C12orf56: variants seen among roughly 807,000 people sequenced by gnomAD.
C12orf56 encodes chromosome 12 open reading frame 56, also known as uncharacterized protein C12orf56.
In C12orf56, 71 loss-of-function variants were observed where a neutral mutation model predicts 69.9. The observed-to-expected ratio is 1.02, with a 90% CI of 0.84 to 1.24. C12orf56 has a LOEUF of 1.24. Among genes scored for constraint, C12orf56 ranks in the 50% most tolerant of loss-of-function variants. C12orf56 has a pLI of 0.00. For missense variants in C12orf56, 732 were observed against 738.5 expected (o/e 0.99, Z 0.10); for synonymous variants, 276 against 274.1 (o/e 1.01, Z -0.07).
At chr12:64,373,635 A>G (rs899706919) in intron 1 of C12orf56, among the ~76,000 whole-genome samples, 5 of 152,162 alleles carry the variant, frequency 3.3e-5, no homozygotes, top group African/African-American at 1.2e-4. Flanking sequence ...AGCAAACTCT[A>G]ACTCTCCAGT....
At chr12:64,361,440 C>T (rs2039399297) in intron 1 of C12orf56, among the ~76,000 whole-genome samples, 2 of 152,128 alleles carry the variant, frequency 1.3e-5, no homozygotes, top group African/African-American at 2.4e-5. Context: ...AGATACAGGT[C>T]ATAAAGACCT....
Position 64,390,543 on chromosome 12 carries a change from C to T in C12orf56, c.23G>A (p.Gly8Asp), listed in dbSNP as rs761258564. Residue 8 changes from glycine (G) to aspartate (D), a missense_variant, in exon 1 of 13, where the codon GGC (glycine) becomes GAC (aspartate). Transcript: ENST00000543942. MASPLPS[G>D]FPARRNSRLD... ...GCGGCTGTTCCTGCGCGCGGGGAAG[C>T]CGGACGGCAAGGGGCTGGCCATGCC... is the stretch of plus-strand genomic sequence containing the variant. 4.4e-5 allele frequency: 70 copies of T among 1,594,468 alleles called. No individual in the cohort carries two copies. Among genetic ancestry groups the T allele is most frequent in the Non-Finnish European group, 5.9e-5 (69 of 1,177,174 alleles).
intron 1 of C12orf56, among the ~76,000 whole-genome samples, chr12:64,360,288 G>A (rs1040022621): frequency 6.6e-6 from 1 of 151,586 alleles, no homozygotes; most frequent in African/African-American, 2.4e-5. Flanking sequence ...AGCTGGGCAT[G>A]GTGGCAGGTG....
intron 1 of C12orf56, among the ~76,000 whole-genome samples, chr12:64,362,493 A>C (rs572285556): frequency 6.6e-6 from 1 of 152,096 alleles, no homozygotes; most frequent in Non-Finnish European, 1.5e-5. Flanking sequence ...GGAGTTCAAG[A>C]CCAGCCTGGC....
chr12:64,268,488 A>C (rs1027734204), intron 12 of C12orf56, among the ~76,000 whole-genome samples: 1 of 152,176 alleles, frequency 6.6e-6, no homozygotes, highest in African/African-American at 2.4e-5. Flanking sequence ...TTTATGTAGA[A>C]TGTCCAGAAT....
chr12:64,306,016 T>TTAA (rs1485244069), intron 5 of C12orf56, among the ~76,000 whole-genome samples: 3 of 152,232 alleles, frequency 2.0e-5, no homozygotes, highest in Non-Finnish European at 4.4e-5. Flanking sequence ...TAAACTGTTT[T>TTAA]TAATCCTTTG....
intron 1 of C12orf56, among the ~76,000 whole-genome samples, chr12:64,354,301 A>G (rs1485916814): frequency 6.6e-6 from 1 of 152,206 alleles, no homozygotes; most frequent in East Asian, 1.9e-4. Flanking sequence ...TGAGACAGGC[A>G]TAATGGTGCC....
At chr12:64,341,704 T>A (rs1470916352) in intron 2 of C12orf56, among the ~76,000 whole-genome samples, 3 of 152,172 alleles carry the variant, frequency 2.0e-5, no homozygotes, top group African/African-American at 4.8e-5. Flanking sequence ...AAGTGTCTAT[T>A]CTGATGAGGA....
Position 64,311,633 on chromosome 12 carries a change from G to C in C12orf56, c.968+1046C>G, listed in dbSNP as rs567959228. Among the ~76,000 whole-genome samples, 3 of 152,296 alleles carry C rather than the reference G, an allele frequency of 2.0e-5. No individual in the cohort carries two copies. In the South Asian group the frequency reaches 6.2e-4, roughly 32 times the overall value. On this transcript the variant is annotated intron_variant, in intron 5 of 12. Coordinates refer to ENST00000543942, the MANE Select transcript of C12orf56 (RefSeq NM_001170633.2). The stretch of plus-strand genomic sequence containing the variant: ...GATAGGCCCCAGAGGGAAGAGAACA[G>C]GGAGCTTCCTGAGAATTGTGAGAAG...
At chr12:64,294,825 T>C (rs2038343631) in intron 6 of C12orf56, among the ~76,000 whole-genome samples, 1 of 152,094 alleles carries the variant, frequency 6.6e-6, no homozygotes, top group East Asian at 1.9e-4. Context: ...TTAAAAATGA[T>C]TAAGGAAGTA....
At chr12:64,362,900 G>A (rs1313677614) in intron 1 of C12orf56, among the ~76,000 whole-genome samples, 1 of 152,112 alleles carries the variant, frequency 6.6e-6, no homozygotes, top group African/African-American at 2.4e-5. Flanking sequence ...CATGGCATTC[G>A]TAAACTGACA....
chr12:64,375,008 T>A (rs962618541), intron 1 of C12orf56, among the ~76,000 whole-genome samples: 1 of 152,170 alleles, frequency 6.6e-6, no homozygotes, highest in African/African-American at 2.4e-5. Flanking sequence ...TTTTAATGCA[T>A]GTTTCTTGCT....
At chr12:64,382,480 G>A (rs533863264) in intron 1 of C12orf56, among the ~76,000 whole-genome samples, 14 of 152,110 alleles carry the variant, frequency 9.2e-5, no homozygotes, top group African/African-American at 3.4e-4. Flanking sequence ...AATAACTAAT[G>A]CATATATAGT....
At chr12:64,276,008 C>CCG (rs1555185433) in intron 9 of C12orf56, among the ~76,000 whole-genome samples, 2 of 151,822 alleles carry the variant, frequency 1.3e-5, no homozygotes, top group African/African-American at 4.8e-5. Flanking sequence ...CACACCCCCC[C>CCG]CCGCGAGTTG....
At chr12:64,357,852 A>C (rs1168922502) in intron 1 of C12orf56, among the ~76,000 whole-genome samples, 1 of 151,990 alleles carries the variant, frequency 6.6e-6, no homozygotes, top group Non-Finnish European at 1.5e-5. Context: ...GTGAGCCAAG[A>C]CTGCTCCACT....
chr12:64,390,710 G>A lies in C12orf56; in HGVS notation c.-145C>T. 8.4e-7 allele frequency: 1 copy of A among 1,197,436 alleles called. No homozygotes were observed. The highest frequency in any genetic ancestry group is 1.1e-6 in the Non-Finnish European group (1 of 916,348). 74.2% of individuals were successfully genotyped at this position (1,197,436 alleles called of 1,614,324 possible). ...AGGCGCGGGGACCCGGGCCGCAACT[G>A]CAGGAATCGACGCTAGGTCGGCTTC... is the stretch of plus-strand genomic sequence containing the variant. On this transcript the variant is annotated 5_prime_UTR_variant, in exon 1 of 13. Transcript: ENST00000543942.
chr12:64,346,256 G>A (rs911742313), intron 2 of C12orf56, among the ~76,000 whole-genome samples: 1 of 152,126 alleles, frequency 6.6e-6, no homozygotes, highest in Non-Finnish European at 1.5e-5. Context: ...CGACGTTCGA[G>A]GGCAGGAAGC....
At chr12:64,371,129 C>T (rs1022686475) in intron 1 of C12orf56, among the ~76,000 whole-genome samples, 3 of 152,184 alleles carry the variant, frequency 2.0e-5, no homozygotes, top group East Asian at 3.8e-4. Context: ...CAGCCAGACA[C>T]GGTGGCTCAC....
chr12:64,387,250 C>T (rs371153270), intron 1 of C12orf56, among the ~76,000 whole-genome samples: 2 of 152,110 alleles, frequency 1.3e-5, no homozygotes, highest in African/African-American at 4.8e-5. Flanking sequence ...AGGGATTTAG[C>T]GTGTGCTTAT....
Sources: allele counts gnomAD v4.1 joint callset (sites outside exome capture counted in the v4.1 genomes callset), GRCh38; gene constraint gnomAD v4.1.1; transcripts MANE v1.5; gene names NCBI Gene and HGNC (gene_info 2026-07-23, HGNC 2026-07-21).